Variants in EXTL3 observed in about 807,000 individuals in gnomAD.
EXTL3 encodes exostosin like glycosyltransferase 3.
In EXTL3, 27 loss-of-function variants were observed where a neutral mutation model predicts 69.3. The ratio of observed to expected loss-of-function variants is 0.39; its 90% CI spans 0.29 to 0.54. The LOEUF (loss-of-function observed/expected upper bound fraction) is 0.54. Ranked by LOEUF, EXTL3 falls within the 20% of genes least tolerant of loss-of-function variation. The pLI is 0.69. For synonymous variants in EXTL3, 511 were observed against 499.4 expected (o/e 1.02, Z -0.31); for missense variants, 1,003 against 1,231.8 (o/e 0.81, Z 2.78).
At chr8:28,643,127 C>G (rs1806770626) in intron 1 of EXTL3, among the ~76,000 whole-genome samples, 1 of 152,096 alleles carries the variant, frequency 6.6e-6, no homozygotes, top group Admixed American at 6.6e-5. Context: ...GCCTGTAATT[C>G]CAGCTACTCA....
chr8:28,702,404 A>G (rs531955012), intron 1 of EXTL3, among the ~76,000 whole-genome samples: 1 of 152,206 alleles, frequency 6.6e-6, no homozygotes, highest in South Asian at 2.1e-4. Context: ...CGGGGACAGC[A>G]CCTATTCCGA....
chr8:28,660,509 C>T (rs1415389258), intron 1 of EXTL3, among the ~76,000 whole-genome samples: 2 of 152,008 alleles, frequency 1.3e-5, no homozygotes, highest in African/African-American at 2.4e-5. Context: ...TATATATATA[C>T]ACATACACAC....
At chr8:28,619,758 C>T (rs527780418), upstream of EXTL3, among the ~76,000 whole-genome samples, 49 of 149,772 alleles carry the variant, frequency 3.3e-4, no homozygotes, top group Non-Finnish European at 5.3e-4. Flanking sequence ...ACAGCACAGG[C>T]ATCTGCAGAC....
At chr8:28,630,060 T>C (rs2059980663) in intron 1 of EXTL3, among the ~76,000 whole-genome samples, 2 of 152,116 alleles carry the variant, frequency 1.3e-5, no homozygotes, top group African/African-American at 2.4e-5. Context: ...TTAACTGATA[T>C]GGTTTGGCTA....
intron 3 of EXTL3, chr8:28,730,306 A>G (rs1801511066): frequency 6.6e-6 from 1 of 152,194 alleles, no homozygotes; most frequent in Admixed American, 6.6e-5. Context: ...TCTTCATGAG[A>G]TGCTCTTTGT....
chr8:28,708,328 GA>G (rs1205576824), intron 1 of EXTL3, among the ~76,000 whole-genome samples: 1 of 151,700 alleles, frequency 6.6e-6, no homozygotes, highest in Non-Finnish European at 1.5e-5. Context: ...GTTGGATTGT[GA>G]AAAACATAGG....
At chr8:28,639,153 G>A (rs756702005) in intron 1 of EXTL3, among the ~76,000 whole-genome samples, 2 of 151,578 alleles carry the variant, frequency 1.3e-5, no homozygotes, top group African/African-American at 2.4e-5. Flanking sequence ...GGTCTGGCCC[G>A]TCTTGAACTC....
chr8:28,628,686 C>A (rs764032225), intron 1 of EXTL3, among the ~76,000 whole-genome samples: 1 of 152,198 alleles, frequency 6.6e-6, no homozygotes, highest in Non-Finnish European at 1.5e-5. Flanking sequence ...CAGAGTCTCA[C>A]TCTGTTTCCC....
intron 1 of EXTL3, among the ~76,000 whole-genome samples, chr8:28,661,456 TAAAA>T (rs1249748644): frequency 6.6e-6 from 1 of 151,840 alleles, no homozygotes; most frequent in African/African-American, 2.4e-5. Flanking sequence ...GTATACATAA[TAAAA>T]AATATCTAAA....
chr8:28,672,432 G>A (rs530515578), intron 1 of EXTL3, among the ~76,000 whole-genome samples: 1 of 123,278 alleles, frequency 8.1e-6, no homozygotes, highest in East Asian at 2.9e-4. Flanking sequence ...TGGGGGGGCG[G>A]GGGGAGAAAG....
chr8:28,661,809 C>G (rs1807119950), intron 1 of EXTL3, among the ~76,000 whole-genome samples: 1 of 151,550 alleles, frequency 6.6e-6, no homozygotes, highest in Non-Finnish European at 1.5e-5. Flanking sequence ...TGCTTGAACC[C>G]GGGAGGCAGA....
intron 1 of EXTL3, among the ~76,000 whole-genome samples, chr8:28,704,462 A>G (rs1044376339): frequency 1.3e-5 from 2 of 152,194 alleles, no homozygotes; most frequent in African/African-American, 4.8e-5. Flanking sequence ...GCCACCCCTC[A>G]CACACATGCC....
chr8:28,676,021 C>CA (rs386412447), intron 1 of EXTL3, among the ~76,000 whole-genome samples: 9,631 of 105,368 alleles, frequency 0.091, 757 homozygotes, highest in South Asian at 0.18. Context: ...GACTCCATCT[C>CA]AAAAAAAAAA....
chr8:28,676,670 G>A (rs906082931), intron 1 of EXTL3, among the ~76,000 whole-genome samples: 10 of 152,142 alleles, frequency 6.6e-5, no homozygotes, highest in Admixed American at 3.3e-4. Flanking sequence ...ATGAGATCAC[G>A]TAGGGAAATG....
intron 1 of EXTL3, among the ~76,000 whole-genome samples, chr8:28,685,448 T>C (rs1403457064): frequency 6.6e-6 from 1 of 151,468 alleles, no homozygotes; most frequent in African/African-American, 2.4e-5. Flanking sequence ...CTGCCCTTGC[T>C]TTTTTTGACG....
chr8:28,710,172 G>A (rs893016499), intron 1 of EXTL3, among the ~76,000 whole-genome samples: 1 of 152,180 alleles, frequency 6.6e-6, no homozygotes, highest in East Asian at 1.9e-4. Context: ...AGATGTGCTT[G>A]CTGCCATTGA....
chr8:28,751,854 A>C lies in EXTL3; in HGVS notation c.*988A>C, dbSNP rs1294963312. ...ATTGGACAGGAGATCAGCAGCGTGC[A>C]CATCTGCTGTGGTCTGAAGTGGTTT... is the stretch of plus-strand genomic sequence containing the variant. On this transcript the variant is annotated 3_prime_UTR_variant, in exon 7 of 7. Coordinates refer to ENST00000220562, the MANE Select transcript of EXTL3 (RefSeq NM_001440.4). The C allele has an allele frequency of 2.0e-5, 3 of 152,464 alleles. No individual in the cohort carries two copies. Among genetic ancestry groups the C allele is most frequent in the African/African-American group, 4.8e-5 (2 of 41,582 alleles). The allele number at this position is 152,464 out of a possible 1,614,324, so 9.4% of individuals were successfully genotyped here. A position where few individuals can be genotyped will look rare whatever the true frequency, so the allele number is the denominator to read the frequency against.
chr8:28,627,642 G>A lies in EXTL3; in HGVS notation c.-53+4832G>A, dbSNP rs116905596. Among the ~76,000 whole-genome samples, 317 of 152,298 alleles carry A rather than the reference G, an allele frequency of 2.1e-3. 7 individuals are homozygous for A. The East Asian group carries it at 0.055, about 27-fold the overall frequency. The stretch of plus-strand genomic sequence containing the variant: ...TTTGAATAGATATTTATACATCCAT[G>A]TACCTAGCAAAGTTCTTTACAGTAG... On this transcript the variant is annotated intron_variant, in intron 1 of 6. Transcript: ENST00000523149.
intron 1 of EXTL3, among the ~76,000 whole-genome samples, chr8:28,670,970 GT>G (rs11430681): frequency 1.7e-4 from 19 of 114,410 alleles, no homozygotes; most frequent in Admixed American, 5.9e-4. Flanking sequence ...CATAGCTTCT[GT>G]TTTTTTTTTT....
Sources: allele counts gnomAD v4.1 joint callset (sites outside exome capture counted in the v4.1 genomes callset), GRCh38; gene constraint gnomAD v4.1.1; transcripts MANE v1.5; gene names NCBI Gene and HGNC (gene_info 2026-07-23, HGNC 2026-07-21).